Variants in NETO1 observed in about 807,000 individuals in gnomAD.
NETO1 encodes neuropilin and tolloid like 1, also known as neuropilin and tolloid-like protein 1.
NETO1 carries 26 observed loss-of-function variants against 61.3 expected under a neutral mutation model. The observed-to-expected ratio is 0.42, with a 90% CI of 0.31 to 0.59. The LOEUF (loss-of-function observed/expected upper bound fraction) is 0.59. Ranked by LOEUF, NETO1 falls within the 20% of genes least tolerant of loss-of-function variation. The pLI is 0.12. For missense variants in NETO1, 531 were observed against 662.8 expected (o/e 0.80, Z 2.18); for synonymous variants, 225 against 225.8 (o/e 1.00, Z 0.03).
chr18:72,864,164 C>A lies in NETO1; in HGVS notation c.220+644G>T, dbSNP rs538981071. ...AACTCAGGGGACTCTCGCTTTGTCT[C>A]AAAAAAAAAAAGTGTTTACAAGGTT... is the stretch of plus-strand genomic sequence containing the variant. On this transcript the variant is annotated intron_variant, in intron 3 of 10. Coordinates refer to ENST00000327305, the MANE Select transcript of NETO1 (RefSeq NM_138966.5). 4.3e-4 allele frequency among the ~76,000 whole-genome samples: 61 copies of A among 141,000 alleles called. No individual in the cohort carries two copies. In the Middle Eastern group the frequency reaches 0.011, roughly 25 times the overall value. 92.5% of individuals were successfully genotyped at this position (141,000 alleles called of 152,430 possible). A position where few individuals can be genotyped will look rare whatever the true frequency, so the allele number is the denominator to read the frequency against.
At chr18:72,859,373 T>C (rs926581051) in intron 3 of NETO1, among the ~76,000 whole-genome samples, 17 of 152,198 alleles carry the variant, frequency 1.1e-4, no homozygotes, top group South Asian at 4.1e-4. Flanking sequence ...GGCTGTTAAC[T>C]TGGAGTTAGA....
At chr18:72,806,497 A>T (rs2072679290) in intron 4 of NETO1, among the ~76,000 whole-genome samples, 1 of 152,106 alleles carries the variant, frequency 6.6e-6, no homozygotes, top group South Asian at 2.1e-4. Context: ...ATCTTCCTCC[A>T]ATTCTGAAAA....
chr18:72,811,738 G>A (rs761235254), intron 4 of NETO1, among the ~76,000 whole-genome samples: 2 of 152,182 alleles, frequency 1.3e-5, no homozygotes, highest in African/African-American at 4.8e-5. Flanking sequence ...CCAACTGTTC[G>A]AGGCTGCAGA....
intron 4 of NETO1, among the ~76,000 whole-genome samples, chr18:72,797,564 G>A (rs755119579): frequency 1.1e-4 from 16 of 152,182 alleles, no homozygotes; most frequent in Admixed American, 6.5e-5. Flanking sequence ...ACACGATAAC[G>A]TTGGACTTGG....
chr18:72,849,367 T>C (rs2074183502), intron 4 of NETO1, among the ~76,000 whole-genome samples: 1 of 152,224 alleles, frequency 6.6e-6, no homozygotes, highest in Non-Finnish European at 1.5e-5. Flanking sequence ...TCAGCACCTA[T>C]AAACTTCATA....
chr18:72,859,753 T>G (rs2074512576), intron 3 of NETO1, among the ~76,000 whole-genome samples: 1 of 152,116 alleles, frequency 6.6e-6, no homozygotes, highest in Admixed American at 6.6e-5. Flanking sequence ...CCTTCACACT[T>G]TCATGGATTT....
At chr18:72,852,926 G>A (rs1003953779) in intron 4 of NETO1, among the ~76,000 whole-genome samples, 9 of 147,084 alleles carry the variant, frequency 6.1e-5, no homozygotes, top group Non-Finnish European at 8.9e-5. Context: ...TCTACCTCCC[G>A]GATTCAAGCA....
intron 8 of NETO1, among the ~76,000 whole-genome samples, chr18:72,752,632 T>C (rs183599817): frequency 1.3e-5 from 2 of 151,706 alleles, no homozygotes; most frequent in East Asian, 3.9e-4. Context: ...AAGCGAAGTG[T>C]ATATATAGGA....
At chr18:72,824,417 G>C (rs1032283248) in intron 4 of NETO1, among the ~76,000 whole-genome samples, 2 of 152,148 alleles carry the variant, frequency 1.3e-5, no homozygotes, top group Non-Finnish European at 2.9e-5. Flanking sequence ...ATCTGGCTCT[G>C]TATACATAGT....
intron 4 of NETO1, among the ~76,000 whole-genome samples, chr18:72,831,150 T>C (rs900607832): frequency 1.3e-5 from 2 of 152,160 alleles, no homozygotes; most frequent in East Asian, 1.9e-4. Context: ...ACTCAGATGG[T>C]CTGTCTTCGT....
At chr18:72,819,490 G>A (rs1568226043) in intron 4 of NETO1, among the ~76,000 whole-genome samples, 1 of 152,114 alleles carries the variant, frequency 6.6e-6, no homozygotes, top group Non-Finnish European at 1.5e-5. Flanking sequence ...TTCAAAATGA[G>A]ATAGCTTCAT....
intron 4 of NETO1, chr18:72,835,102 A>T (rs2073701204): frequency 8.7e-7 from 1 of 1,148,798 alleles, no homozygotes. Flanking sequence ...AGGAGTTCTA[A>T]TTTACTAAGT....
chr18:72,777,689 G>A (rs1017263214), intron 7 of NETO1, among the ~76,000 whole-genome samples: 1 of 152,282 alleles, frequency 6.6e-6, no homozygotes, highest in Non-Finnish European at 1.5e-5. Context: ...CTCGCAGTGA[G>A]CTGAGATTGC....
At chr18:72,835,318 T>C (rs1353974853) in intron 4 of NETO1, 5 of 1,597,008 alleles carry the variant, frequency 3.1e-6, no homozygotes, top group Non-Finnish European at 4.3e-6. Context: ...TTGCCTTTTA[T>C]TCTGGAGGCA....
chr18:72,825,390 T>C (rs1257277906), intron 4 of NETO1, among the ~76,000 whole-genome samples: 1 of 152,184 alleles, frequency 6.6e-6, no homozygotes, highest in African/African-American at 2.4e-5. Context: ...CCCTTCACCT[T>C]TTCTAATCTA....
At position 72,751,417 on chromosome 18, in the gene NETO1, G is replaced by A. The variant is rs137948371; in HGVS notation, c.983-797C>T. Among the ~76,000 whole-genome samples the A allele has an allele frequency of 1.6e-4, 24 of 152,244 alleles. No homozygotes were observed. In the East Asian group the frequency reaches 3.5e-3, roughly 22 times the overall value. On this transcript the variant is annotated intron_variant, in intron 8 of 10. Coordinates refer to ENST00000327305, the MANE Select transcript of NETO1 (RefSeq NM_138966.5). ...TACTCAGGGAGGTGTGGACAAGAAC[G>A]CAGGGCACCCTCTCCCTGCAGCTCC...
intron 7 of NETO1, among the ~76,000 whole-genome samples, chr18:72,756,561 C>G (rs982670401): frequency 6.6e-6 from 1 of 152,074 alleles, no homozygotes; most frequent in East Asian, 1.9e-4. Flanking sequence ...AAAACATATA[C>G]TTACCAAGTA....
intron 4 of NETO1, 70 bp downstream of exon 4, chr18:72,858,756 C>G: frequency 2.8e-6 from 4 of 1,414,642 alleles, no homozygotes; most frequent in Non-Finnish European, 3.8e-6. Context: ...TTGTCTTACA[C>G]AAGATTTTGT....
At chr18:72,779,316 C>G (rs2071661174) in intron 7 of NETO1, among the ~76,000 whole-genome samples, 1 of 150,896 alleles carries the variant, frequency 6.6e-6, no homozygotes, top group Admixed American at 6.6e-5. Flanking sequence ...TATATATACA[C>G]TAATATACAT....
Sources: gnomAD v4.1 joint callset for allele counts (sites outside exome capture counted in the v4.1 genomes callset) on GRCh38, gnomAD v4.1.1 for gene constraint, MANE v1.5 for transcripts, NCBI Gene and HGNC (gene_info 2026-07-23, HGNC 2026-07-21) for gene names.